Variants in NTRK3 observed in about 807,000 individuals in gnomAD.
NTRK3 encodes the protein NT-3 growth factor receptor.
NTRK3 carries 24 observed loss-of-function variants against 91.7 expected under a neutral mutation model. That is an observed-to-expected ratio of 0.26 (90% CI 0.19 to 0.37). The LOEUF is 0.37. NTRK3 is among the 10% of genes least tolerant of loss of function. The probability of loss-of-function intolerance (pLI) is 1.00; values close to 1 mark genes in which losing one functional copy is unlikely to be tolerated. For synonymous variants in NTRK3, 483 were observed against 404.0 expected, an observed-to-expected ratio of 1.20 and a Z score of -2.34; for missense variants, 880 against 1,068.9, an observed-to-expected ratio of 0.82 and a Z score of 2.46.
chr15:88,160,426 A>G (rs2044342130), intron 5 of NTRK3, among the ~76,000 whole-genome samples: 2 of 152,206 alleles, frequency 1.3e-5, no homozygotes, highest in African/African-American at 4.8e-5. Context: ...CTTGGGGCAG[A>G]GTCAGCGGCT....
At chr15:87,989,642 A>C (rs2075130323) in intron 14 of NTRK3, among the ~76,000 whole-genome samples, 3 of 152,162 alleles carry the variant, frequency 2.0e-5, no homozygotes, top group Admixed American at 2.0e-4. Context: ...CCTAGAACTT[A>C]AAGTATAAAA....
intron 17 of NTRK3, among the ~76,000 whole-genome samples, chr15:87,902,587 C>T (rs986867065): frequency 6.6e-6 from 1 of 152,136 alleles, no homozygotes; most frequent in Non-Finnish European, 1.5e-5. Context: ...GCAACAGGCT[C>T]TACATGGTGA....
chr15:88,100,742 C>T (rs528840860), intron 13 of NTRK3, among the ~76,000 whole-genome samples: 1 of 152,092 alleles, frequency 6.6e-6, no homozygotes, highest in Non-Finnish European at 1.5e-5. Context: ...CTTTGACAAA[C>T]CTGACAAAAA....
exon 19 of NTRK3, chr15:87,865,163 C>A (rs530096064): frequency 7.6e-5 from 16 of 209,322 alleles, no homozygotes; most frequent in African/African-American, 3.6e-4. Flanking sequence ...ATTCTGATTT[C>A]TTTCTGGAGT....
chr15:87,986,132 C>T (rs965624251), intron 14 of NTRK3, among the ~76,000 whole-genome samples: 6 of 152,220 alleles, frequency 3.9e-5, no homozygotes, highest in African/African-American at 1.4e-4. Flanking sequence ...AGCTGAGCAT[C>T]TTCTTTTCTT....
chr15:87,861,810 C>T (rs1193753405), exon 19 of NTRK3: 1 of 202,046 alleles, frequency 4.9e-6, no homozygotes, highest in Non-Finnish European at 1.0e-5. Flanking sequence ...AAATTGTATT[C>T]GCTGGCCAGT....
chr15:88,155,640 CT>C (rs1567544300), intron 5 of NTRK3, among the ~76,000 whole-genome samples: 1 of 152,144 alleles, frequency 6.6e-6, no homozygotes, highest in African/African-American at 2.4e-5. Flanking sequence ...GTGACAACCC[CT>C]TGTCTAGAAC....
At chr15:88,190,600 T>G (rs1023977478) in intron 3 of NTRK3, among the ~76,000 whole-genome samples, 1 of 152,208 alleles carries the variant, frequency 6.6e-6, no homozygotes, top group African/African-American at 2.4e-5. Context: ...CCTCTTAAGC[T>G]GTCCCCAGGG....
At chr15:87,861,080 C>A in exon 19 of NTRK3, 1 of 227,320 alleles carries the variant, frequency 4.4e-6, no homozygotes, top group Non-Finnish European at 8.8e-6. Context: ...AGGTGTCCCA[C>A]ATGCCAAACA....
intron 15 of NTRK3, among the ~76,000 whole-genome samples, chr15:87,939,777 A>G (rs2069638281): frequency 1.3e-5 from 2 of 152,362 alleles, no homozygotes; most frequent in South Asian, 2.1e-4. Context: ...GAAGGGCTCC[A>G]GAGATCTGTG....
chr15:88,215,846 C>T (rs2049719781), intron 3 of NTRK3, among the ~76,000 whole-genome samples: 1 of 152,156 alleles, frequency 6.6e-6, no homozygotes, highest in Non-Finnish European at 1.5e-5. Context: ...AAAATGCAAA[C>T]ATGAATGCAA....
At chr15:87,867,468 T>C in exon 19 of NTRK3, 1 of 230,262 alleles carries the variant, frequency 4.3e-6, no homozygotes, top group East Asian at 6.1e-5. Flanking sequence ...GTTTGCAAAC[T>C]TGTTCAGGGC....
chr15:88,042,124 T>C (rs1019507947), intron 13 of NTRK3, among the ~76,000 whole-genome samples: 10 of 152,158 alleles, frequency 6.6e-5, no homozygotes, highest in Admixed American at 5.2e-4. Context: ...CACTGACATG[T>C]CCCTGGTGGG....
At chr15:87,903,084 C>A (rs887725947) in intron 17 of NTRK3, among the ~76,000 whole-genome samples, 9 of 152,156 alleles carry the variant, frequency 5.9e-5, no homozygotes, top group Admixed American at 5.2e-4. Context: ...ATGCATCTGC[C>A]TGGAGATCTA....
At chr15:88,171,390 G>A (rs2045505321) in intron 5 of NTRK3, among the ~76,000 whole-genome samples, 2 of 152,140 alleles carry the variant, frequency 1.3e-5, no homozygotes, top group Admixed American at 1.3e-4. Context: ...TCTCTGCTGG[G>A]GGGCTCCAGC....
intron 3 of NTRK3, among the ~76,000 whole-genome samples, chr15:88,185,389 T>G (rs1009915076): frequency 1.3e-5 from 2 of 152,214 alleles, no homozygotes; most frequent in African/African-American, 4.8e-5. Flanking sequence ...GGGTTTATTG[T>G]TTTTGTATTG....
intron 3 of NTRK3, among the ~76,000 whole-genome samples, chr15:88,187,827 A>G (rs1473546346): frequency 6.6e-6 from 1 of 151,822 alleles, no homozygotes; most frequent in African/African-American, 2.4e-5. Flanking sequence ...CCAACTACTC[A>G]GGAGGCTGAG....
intron 3 of NTRK3, among the ~76,000 whole-genome samples, chr15:88,207,572 G>C (rs2048898542): frequency 6.6e-6 from 1 of 152,194 alleles, no homozygotes; most frequent in South Asian, 2.1e-4. Flanking sequence ...GTATATTAGG[G>C]GGACAAGAGC....
intron 13 of NTRK3, among the ~76,000 whole-genome samples, chr15:88,124,747 C>T (rs2053108569): frequency 6.6e-6 from 1 of 152,194 alleles, no homozygotes; most frequent in African/African-American, 2.4e-5. Flanking sequence ...GCAGATAAGA[C>T]ATCTCCAATC....
Sources: gnomAD v4.1 joint callset for allele counts (sites outside exome capture counted in the v4.1 genomes callset) on GRCh38, gnomAD v4.1.1 for gene constraint, MANE v1.5 for transcripts, NCBI Gene and HGNC (gene_info 2026-07-23, HGNC 2026-07-21) for gene names.